The following HHAT variants were observed in gnomAD, a reference collection of about 807,000 sequenced individuals.
HHAT encodes the protein protein-cysteine N-palmitoyltransferase HHAT.
In HHAT, 47 loss-of-function variants were observed where a neutral mutation model predicts 70.8. That is an observed-to-expected ratio of 0.66 (90% CI 0.53 to 0.85). HHAT has a LOEUF of 0.85. Among genes scored for constraint, HHAT ranks in the 40% least tolerant of loss-of-function variants. The pLI, the probability that HHAT is intolerant of heterozygous loss-of-function variation, is 0.00. For missense variants in HHAT, 609 were observed against 604.8 expected (o/e 1.01, Z -0.07); for synonymous variants, 228 against 247.6 (o/e 0.92, Z 0.74).
intron 9 of HHAT, among the ~76,000 whole-genome samples, chr1:210,539,225 G>A: frequency 6.6e-6 from 1 of 152,192 alleles, no homozygotes; most frequent in East Asian, 1.9e-4. Flanking sequence ...ACATCTGCCT[G>A]GCAATACCTC....
rs566286111 is a variant in HHAT, at chr1:210,595,448, C to A, written c.1245+7349C>A. Among the ~76,000 whole-genome samples, 11 of 152,280 alleles carry A rather than the reference C, an allele frequency of 7.2e-5. No individual in the cohort carries two copies. In the East Asian group the frequency reaches 2.1e-3, roughly 29 times the overall value. On this transcript the variant is annotated intron_variant, in intron 10 of 11. Transcript: ENST00000261458. ...CATACATGTGCATCTGTCTTTATAG[C>A]AGCATGACTTATAATCCTTTGGGTA...
At chr1:210,612,733 C>T (rs1666852562) in intron 10 of HHAT, among the ~76,000 whole-genome samples, 1 of 152,170 alleles carries the variant, frequency 6.6e-6, no homozygotes, top group Non-Finnish European at 1.5e-5. Flanking sequence ...CCGTTTTCCA[C>T]AGTGGCTCTA....
chr1:210,375,549 T>G (rs184732753), intron 3 of HHAT, among the ~76,000 whole-genome samples: 93 of 151,690 alleles, frequency 6.1e-4, no homozygotes, highest in Non-Finnish European at 1.1e-3. Context: ...TTGGGTCTTT[T>G]TTCTAGCAAT....
intron 4 of HHAT, among the ~76,000 whole-genome samples, chr1:210,393,828 G>A (rs772554979): frequency 6.6e-6 from 1 of 152,164 alleles, no homozygotes; most frequent in Non-Finnish European, 1.5e-5. Context: ...GGTGGGCCGG[G>A]TTCTGCCTGT....
chr1:210,661,229 A>AAAG (rs61376128), intron 11 of HHAT, among the ~76,000 whole-genome samples: 1 of 151,566 alleles, frequency 6.6e-6, no homozygotes. Flanking sequence ...AAGAAAGAAA[A>AAAG]AACCCCATCA....
chr1:210,429,593 AT>A (rs10535187), intron 7 of HHAT, among the ~76,000 whole-genome samples: 30,234 of 150,338 alleles, frequency 0.2, 3,343 homozygotes, highest in East Asian at 0.39. Flanking sequence ...TAATAAAACA[AT>A]TTTTTTTTTT....
intron 7 of HHAT, chr1:210,439,770 C>T (rs2093463277): frequency 6.6e-6 from 1 of 151,884 alleles, no homozygotes; most frequent in East Asian, 1.9e-4. Context: ...CCAGATCAGC[C>T]TCATCTGAAA....
intron 5 of HHAT, among the ~76,000 whole-genome samples, chr1:210,404,256 G>C (rs2092228212): frequency 6.6e-6 from 1 of 152,130 alleles, no homozygotes; most frequent in South Asian, 2.1e-4. Flanking sequence ...TTAACTGCTT[G>C]CTTTGATTAC....
chr1:210,666,966 G>C (rs1490416530), intron 11 of HHAT, among the ~76,000 whole-genome samples: 1 of 142,170 alleles, frequency 7.0e-6, no homozygotes, highest in African/African-American at 2.5e-5. Flanking sequence ...TGTAGTCCCA[G>C]CTACTCAGGA....
intron 8 of HHAT, among the ~76,000 whole-genome samples, chr1:210,509,589 G>T (rs2094919910): frequency 6.6e-6 from 1 of 152,226 alleles, no homozygotes; most frequent in East Asian, 1.9e-4. Context: ...TACCTCATAG[G>T]GTTATTGCAA....
At chr1:210,426,765 TG>T (rs2093075308) in intron 7 of HHAT, among the ~76,000 whole-genome samples, 1 of 152,198 alleles carries the variant, frequency 6.6e-6, no homozygotes, top group South Asian at 2.1e-4. Flanking sequence ...TGAGTATTTT[TG>T]CATTGATGTG....
At chr1:210,425,193 A>C (rs1003179468) in intron 7 of HHAT, among the ~76,000 whole-genome samples, 3 of 151,904 alleles carry the variant, frequency 2.0e-5, no homozygotes, top group Admixed American at 2.0e-4. Flanking sequence ...TTACTTAATG[A>C]GATTGTTTAT....
At chr1:210,389,123 T>G (rs1334123869) in intron 4 of HHAT, among the ~76,000 whole-genome samples, 2 of 152,118 alleles carry the variant, frequency 1.3e-5, no homozygotes, top group Non-Finnish European at 2.9e-5. Context: ...ATGAACTTAT[T>G]TAGTAATTTA....
At chr1:210,372,145 A>C (rs1378332573) in intron 3 of HHAT, among the ~76,000 whole-genome samples, 2 of 152,250 alleles carry the variant, frequency 1.3e-5, no homozygotes, top group African/African-American at 2.4e-5. Flanking sequence ...GTACACAGCC[A>C]GGACAATTGG....
intron 9 of HHAT, among the ~76,000 whole-genome samples, chr1:210,559,427 T>C (rs1293493052): frequency 2.0e-5 from 3 of 152,210 alleles, no homozygotes; most frequent in African/African-American, 7.2e-5. Context: ...AAGGTTGATG[T>C]GAAGCAGGAT....
chr1:210,371,207 A>G (rs1277113284), intron 3 of HHAT, among the ~76,000 whole-genome samples: 1 of 152,020 alleles, frequency 6.6e-6, no homozygotes, highest in African/African-American at 2.4e-5. Context: ...GTTAGAGTGC[A>G]GTGGCACAAC....
Position 210,674,621 on chromosome 1 carries a change from G to A in HHAT, c.*242G>A. On this transcript the variant is annotated 3_prime_UTR_variant, in exon 12 of 12. Coordinates refer to ENST00000261458, the MANE Select transcript of HHAT (RefSeq NM_018194.6). ...TTTCCTATTGAGGAAACGGGTCCAGGGCAGTCGTGTGTCTTACCCAGCTAC... is the reference window on the plus strand; with the variant it reads ...TTTCCTATTGAGGAAACGGGTCCAGAGCAGTCGTGTGTCTTACCCAGCTAC... 2 of 489,244 alleles carry A rather than the reference G, an allele frequency of 4.1e-6. No individual in the cohort carries two copies. Among genetic ancestry groups the A allele is most frequent in the Non-Finnish European group, 7.3e-6 (2 of 274,460 alleles). 30.3% of individuals were successfully genotyped at this position (489,244 alleles called of 1,614,324 possible).
chr1:210,610,572 T>G (rs1227114875), intron 10 of HHAT, among the ~76,000 whole-genome samples: 1 of 152,190 alleles, frequency 6.6e-6, no homozygotes, highest in Non-Finnish European at 1.5e-5. Context: ...TTGGGGATTT[T>G]GTCATGAAAT....
chr1:210,473,551 T>TG (rs1335249908), intron 8 of HHAT, among the ~76,000 whole-genome samples: 1 of 152,050 alleles, frequency 6.6e-6, no homozygotes, highest in Admixed American at 6.6e-5. Flanking sequence ...GTGAATGGTG[T>TG]GGGGCCACTG....
Sources: allele counts gnomAD v4.1 joint callset (sites outside exome capture counted in the v4.1 genomes callset), GRCh38; gene constraint gnomAD v4.1.1; transcripts MANE v1.5; gene names NCBI Gene and HGNC (gene_info 2026-07-23, HGNC 2026-07-21).